Variants in TNR observed in about 807,000 individuals in gnomAD.
TNR encodes the protein tenascin R, also known as tenascin-R.
Under a neutral mutation model 150.4 loss-of-function variants are expected in TNR, and 45 were observed. The observed-to-expected ratio is 0.30, with a 90% confidence interval of 0.24 to 0.38. The LOEUF (loss-of-function observed/expected upper bound fraction) is 0.38. TNR is among the 10% of genes least tolerant of loss of function. TNR has a pLI of 1.00. For synonymous variants in TNR, 687 were observed against 678.4 expected (o/e 1.01, Z -0.20); for missense variants, 1,544 against 1,759.1 (o/e 0.88, Z 2.19).
intron 1 of TNR, among the ~76,000 whole-genome samples, chr1:175,624,073 G>A (rs1446519962): frequency 6.6e-6 from 1 of 152,194 alleles, no homozygotes; most frequent in Admixed American, 6.5e-5. Context: ...GATTAATCTG[G>A]TCCTCAGGCC....
rs1457416381 is a variant in TNR at position 175,515,364 on chromosome 1, GCC to G, written c.-64+12903_-64+12904del. 9.5e-4 allele frequency among the ~76,000 whole-genome samples: 144 copies of G among 152,318 alleles called. 1 individual carries two copies. Among genetic ancestry groups the G allele is most frequent in the Non-Finnish European group, 3.1e-4 (21 of 68,044 alleles). On this transcript the variant is annotated intron_variant, in intron 2 of 22. Coordinates refer to ENST00000367674, the MANE Select transcript of TNR (RefSeq NM_003285.3). The stretch of plus-strand genomic sequence containing the variant: ...ATGCTCTGTTCAATAATTGAGCTCT[GCC>G]CTCAGATGCTAAGGAAACATGGGCG...
chr1:175,389,317 T>C (rs1571373530), intron 7 of TNR, among the ~76,000 whole-genome samples: 1 of 152,194 alleles, frequency 6.6e-6, no homozygotes, highest in African/African-American at 2.4e-5. Flanking sequence ...TCAGGGCAGG[T>C]AATAGAAACT....
chr1:175,679,957 G>A lies in TNR; in HGVS notation c.-165+63269C>T, dbSNP rs188586915. Among the ~76,000 whole-genome samples, 264 of 152,246 alleles carry A rather than the reference G, an allele frequency of 1.7e-3. 2 individuals carry two copies. Among genetic ancestry groups the A allele is most frequent in the Non-Finnish European group, 2.1e-4 (14 of 68,018 alleles). ...CGAGTACTGTGCTTCTGTCTGCTGAGGGCCTCGAGGGAAGACAGAGCTTCC... is the reference window on the plus strand; with the variant it reads ...CGAGTACTGTGCTTCTGTCTGCTGAAGGCCTCGAGGGAAGACAGAGCTTCC... On this transcript the variant is annotated intron_variant, in intron 1 of 22. Transcript: ENST00000367674.
intron 1 of TNR, among the ~76,000 whole-genome samples, chr1:175,624,590 G>A (rs1417311814): frequency 5.9e-5 from 9 of 152,140 alleles, no homozygotes; most frequent in Admixed American, 5.9e-4. Flanking sequence ...AAGCTGGGAC[G>A]AGGTGAAGAG....
At chr1:175,708,039 T>A (rs1281839992) in intron 1 of TNR, among the ~76,000 whole-genome samples, 1 of 150,254 alleles carries the variant, frequency 6.7e-6, no homozygotes, top group Non-Finnish European at 1.5e-5. Flanking sequence ...TGTGTGTGTG[T>A]GTGTGTGTGT....
At chr1:175,350,480 A>G (rs1468349606) in intron 18 of TNR, among the ~76,000 whole-genome samples, 1 of 152,208 alleles carries the variant, frequency 6.6e-6, no homozygotes, top group African/African-American at 2.4e-5. Context: ...TCTCTAAAAG[A>G]CAAGTAGACC....
chr1:175,416,129 T>TAC (rs3030909), intron 2 of TNR, among the ~76,000 whole-genome samples: 10,745 of 151,318 alleles, frequency 0.071, 423 homozygotes, highest in Middle Eastern at 0.19. Context: ...TATATATATA[T>TAC]ACACACACAC....
At chr1:175,399,074 T>C (rs1049590625) in intron 4 of TNR, among the ~76,000 whole-genome samples, 1 of 152,256 alleles carries the variant, frequency 6.6e-6, no homozygotes, top group Non-Finnish European at 1.5e-5. Flanking sequence ...CATTTATACA[T>C]GGTGTCCCAA....
At chr1:175,352,634 A>G (rs1185871397) in intron 18 of TNR, among the ~76,000 whole-genome samples, 2 of 152,168 alleles carry the variant, frequency 1.3e-5, no homozygotes, top group Non-Finnish European at 2.9e-5. Flanking sequence ...AAAAGAGATC[A>G]AGTGTCTTCT....
chr1:175,719,893 G>A (rs1247256888), intron 1 of TNR, among the ~76,000 whole-genome samples: 1 of 152,202 alleles, frequency 6.6e-6, no homozygotes, highest in Non-Finnish European at 1.5e-5. Flanking sequence ...AGCCAAGTAT[G>A]TTTCTTCCTA....
At chr1:175,547,699 AAG>A in intron 1 of TNR, among the ~76,000 whole-genome samples, 1 of 152,350 alleles carries the variant, frequency 6.6e-6, no homozygotes, top group African/African-American at 2.4e-5. Context: ...AGAAAAAAGA[AAG>A]AGAAAAGAAA....
rs532337067 is a variant in TNR, at chr1:175,599,467, T to C, written c.-164-71098A>G. ...GAGCATTACGAGGAAATGAGAAGAC[T>C]TGGGGTCTTGCGATCGCCGCCGAGT... On this transcript the variant is annotated intron_variant, in intron 1 of 22. Coordinates refer to ENST00000367674, the MANE Select transcript of TNR (RefSeq NM_003285.3). This position sits in a 1 kb window ranked among gnomAD's most constrained non-coding sequence, Gnocchi z 4.7. 3.5e-4 allele frequency among the ~76,000 whole-genome samples: 54 copies of C among 152,294 alleles called. No individual in the cohort carries two copies. Among genetic ancestry groups the C allele is most frequent in the Middle Eastern group, 3.4e-3 (1 of 294 alleles).
intron 1 of TNR, among the ~76,000 whole-genome samples, chr1:175,718,046 T>C (rs1313447104): frequency 1.3e-5 from 2 of 152,242 alleles, no homozygotes; most frequent in African/African-American, 2.4e-5. Flanking sequence ...AGATGCCTAC[T>C]GTCAGTTGTT....
intron 18 of TNR, among the ~76,000 whole-genome samples, chr1:175,340,966 A>C (rs1205084708): frequency 6.6e-6 from 1 of 152,150 alleles, no homozygotes; most frequent in East Asian, 1.9e-4. Context: ...GTGCGATAGG[A>C]AGGAGAGGGG....
intron 1 of TNR, among the ~76,000 whole-genome samples, chr1:175,693,234 G>T (rs924902510): frequency 6.6e-6 from 1 of 152,164 alleles, no homozygotes; most frequent in Non-Finnish European, 1.5e-5. Context: ...TCTGAGGCTG[G>T]AGTGGCCACA....
chr1:175,689,681 C>T (rs1045028242), intron 1 of TNR, among the ~76,000 whole-genome samples: 3 of 152,186 alleles, frequency 2.0e-5, no homozygotes, highest in Non-Finnish European at 4.4e-5. Context: ...CGATGCCATC[C>T]CATTAGAATG....
At chr1:175,469,109 A>C (rs571716727) in intron 2 of TNR, among the ~76,000 whole-genome samples, 5 of 152,248 alleles carry the variant, frequency 3.3e-5, no homozygotes, top group African/African-American at 7.2e-5. Flanking sequence ...TGAGGAAGAC[A>C]TTGAGCTCAG....
intron 1 of TNR, among the ~76,000 whole-genome samples, chr1:175,675,218 T>C (rs1207778764): frequency 6.6e-6 from 1 of 152,222 alleles, no homozygotes; most frequent in Non-Finnish European, 1.5e-5. Context: ...CGCTGGCTTG[T>C]TAGCAATGCC....
chr1:175,448,497 G>A (rs140102333), intron 2 of TNR, among the ~76,000 whole-genome samples: 2 of 152,232 alleles, frequency 1.3e-5, no homozygotes, highest in Non-Finnish European at 2.9e-5. Context: ...GGCATGAGCC[G>A]CTGTGCCCGG....
Sources: gnomAD v4.1 joint callset for allele counts (sites outside exome capture counted in the v4.1 genomes callset) on GRCh38, gnomAD v4.1.1 for gene constraint, Gnocchi (gnomAD v3.1) non-coding constraint, MANE v1.5 for transcripts, NCBI Gene and HGNC (gene_info 2026-07-23, HGNC 2026-07-21) for gene names.